ARHGEF37: variants seen among roughly 807,000 people sequenced by gnomAD.
ARHGEF37 encodes Rho guanine nucleotide exchange factor 37.
In ARHGEF37, 55 loss-of-function variants were observed where a neutral mutation model predicts 71.1. The ratio of observed to expected loss-of-function variants is 0.77; its 90% CI spans 0.62 to 0.97. ARHGEF37 has a LOEUF of 0.97. Among genes scored for constraint, ARHGEF37 ranks in the 50% least tolerant of loss-of-function variants. The pLI, the probability that ARHGEF37 is intolerant of heterozygous loss-of-function variation, is 0.00. For synonymous variants in ARHGEF37, 327 were observed against 350.6 expected (o/e 0.93, Z 0.75); for missense variants, 765 against 836.8 (o/e 0.91, Z 1.06).
chr5:149,575,557 C>A (rs1045662309), intron 1 of ARHGEF37, among the ~76,000 whole-genome samples: 1 of 152,034 alleles, frequency 6.6e-6, no homozygotes, highest in Non-Finnish European at 1.5e-5. Flanking sequence ...TGCTAGAGAG[C>A]TTCTTCAAGG....
At position 149,634,696 on chromosome 5, in the gene ARHGEF37, C is replaced by T. The variant is rs773080964; in HGVS notation, c.*2505C>T. On this transcript the variant is annotated 3_prime_UTR_variant, in exon 13 of 13. Transcript: ENST00000333677. ...TGGCACTGTGTCTTATTTATTTAAC[C>T]GTTGGGCTGTCTCATACTAAACTTG... The T allele has an allele frequency of 3.9e-5, 6 of 152,562 alleles. No homozygotes were observed. The highest frequency in any genetic ancestry group is 6.5e-5 in the Admixed American group (1 of 15,276). 9.5% of individuals were successfully genotyped at this position (152,562 alleles called of 1,614,324 possible). A position where few individuals can be genotyped will look rare whatever the true frequency, so the allele number is the denominator to read the frequency against.
chr5:149,624,011 G>A lies in ARHGEF37; in HGVS notation c.1336-1G>A. ...TGTTGACAGTGTCTGTCCCCACTTA[G>A]CTGCCCCACCACCACGTCCCAGAGC... On this transcript the variant is annotated splice_acceptor_variant, in intron 9 of 12. Coordinates refer to ENST00000333677, the MANE Select transcript of ARHGEF37 (RefSeq NM_001001669.3). LOFTEE classifies it high-confidence loss of function. 1 of 1,594,476 alleles carries A rather than the reference G, an allele frequency of 6.3e-7. No individual in the cohort carries two copies. The highest frequency in any genetic ancestry group is 8.6e-7 in the Non-Finnish European group (1 of 1,164,536).
intron 1 of ARHGEF37, among the ~76,000 whole-genome samples, chr5:149,567,220 T>C (rs1762908786): frequency 6.6e-6 from 1 of 152,236 alleles, no homozygotes; most frequent in South Asian, 2.1e-4. Flanking sequence ...TTTATTTTGT[T>C]TGTACGTGAT....
Position 149,634,526 on chromosome 5 carries a change from G to A in ARHGEF37, c.*2335G>A, listed in dbSNP as rs965238806. ...ATAAAAATGTATTCAGTAGCACGTG[G>A]GTTATGGTTTCTCATAGACCAGGGG... On this transcript the variant is annotated 3_prime_UTR_variant, in exon 13 of 13. Coordinates refer to ENST00000333677, the MANE Select transcript of ARHGEF37 (RefSeq NM_001001669.3). 1 of 152,604 alleles carries A rather than the reference G, an allele frequency of 6.6e-6. No individual in the cohort carries two copies. Among genetic ancestry groups the A allele is most frequent in the African/African-American group, 2.4e-5 (1 of 41,430 alleles). The allele number at this position is 152,604 out of a possible 1,614,324, so 9.5% of individuals were successfully genotyped here. A position where few individuals can be genotyped will look rare whatever the true frequency, so the allele number is the denominator to read the frequency against.
intron 1 of ARHGEF37, among the ~76,000 whole-genome samples, chr5:149,583,387 C>T (rs1211859898): frequency 1.3e-5 from 2 of 152,198 alleles, no homozygotes; most frequent in African/African-American, 4.8e-5. Context: ...TTGCCTACCT[C>T]GGCCTCCCAA....
intron 1 of ARHGEF37, among the ~76,000 whole-genome samples, chr5:149,558,546 G>T (rs1762783269): frequency 6.6e-6 from 1 of 151,768 alleles, no homozygotes; most frequent in African/African-American, 2.4e-5. Context: ...CTAGAGAAGG[G>T]GATCTCACCA....
intron 1 of ARHGEF37, among the ~76,000 whole-genome samples, chr5:149,590,207 A>G (rs2113284728): frequency 6.6e-6 from 1 of 152,188 alleles, no homozygotes; most frequent in Middle Eastern, 3.4e-3. Context: ...AGAGAAAAGA[A>G]TTAACTCAGT....
chr5:149,595,834 G>T (rs531962848), intron 1 of ARHGEF37, among the ~76,000 whole-genome samples: 1 of 152,172 alleles, frequency 6.6e-6, no homozygotes. Flanking sequence ...CCTAAACCCA[G>T]TGAAGGCAGG....
At chr5:149,628,288 C>T (rs1177163163) in intron 11 of ARHGEF37, among the ~76,000 whole-genome samples, 1 of 152,202 alleles carries the variant, frequency 6.6e-6, no homozygotes, top group Non-Finnish European at 1.5e-5. Context: ...GATGTGAAGA[C>T]TATGTAATGA....
chr5:149,600,672 G>A (rs1332729756), intron 2 of ARHGEF37, among the ~76,000 whole-genome samples: 2 of 147,984 alleles, frequency 1.4e-5, no homozygotes, highest in Non-Finnish European at 3.0e-5. Flanking sequence ...ATGGAGTCTC[G>A]CTCTGTCGCC....
chr5:149,585,674 C>T (rs4705356), intron 1 of ARHGEF37, among the ~76,000 whole-genome samples: 79,945 of 151,550 alleles, frequency 0.53, 21,623 homozygotes, highest in Admixed American at 0.64. Flanking sequence ...TCTGCCACCA[C>T]GCCCAGCTAA....
intron 1 of ARHGEF37, among the ~76,000 whole-genome samples, chr5:149,564,796 C>G (rs917640577): frequency 6.6e-6 from 1 of 152,182 alleles, no homozygotes; most frequent in African/African-American, 2.4e-5. Flanking sequence ...TGCACTCCAG[C>G]CTGGGCAACA....
intron 1 of ARHGEF37, among the ~76,000 whole-genome samples, chr5:149,553,385 CG>C (rs1279994080): frequency 1.3e-5 from 2 of 151,458 alleles, no homozygotes; most frequent in Non-Finnish European, 2.9e-5. Context: ...GGAGACAGAG[CG>C]AGACTCCACT....
chr5:149,596,464 C>A (rs1763548023), intron 1 of ARHGEF37, among the ~76,000 whole-genome samples: 1 of 152,072 alleles, frequency 6.6e-6, no homozygotes, highest in Non-Finnish European at 1.5e-5. Flanking sequence ...ACCACCACAC[C>A]CGGCTAATTT....
rs77584784 is a variant in ARHGEF37, at chr5:149,621,455, A to G, written c.1006-278A>G. 0.014 allele frequency among the ~76,000 whole-genome samples: 2,186 copies of G among 152,126 alleles called. 196 individuals are homozygous for G. In the East Asian group the frequency reaches 0.26, roughly 18 times the overall value. On this transcript the variant is annotated intron_variant, in intron 8 of 12. Coordinates refer to ENST00000333677, the MANE Select transcript of ARHGEF37 (RefSeq NM_001001669.3). ...CCTGTCTCAAAAAAAAAAACAAAAAACTTTTTCAAGGTCTTTGCATAATAA... is the reference window on the plus strand; with the variant it reads ...CCTGTCTCAAAAAAAAAAACAAAAAGCTTTTTCAAGGTCTTTGCATAATAA...
intron 1 of ARHGEF37, among the ~76,000 whole-genome samples, chr5:149,593,006 G>C (rs1763455313): frequency 6.6e-6 from 1 of 152,166 alleles, no homozygotes; most frequent in Non-Finnish European, 1.5e-5. Flanking sequence ...CTGACCACAG[G>C]TGATCCACCC....
chr5:149,623,093 C>T (rs546139549), intron 9 of ARHGEF37, among the ~76,000 whole-genome samples: 1 of 152,278 alleles, frequency 6.6e-6, no homozygotes, highest in Non-Finnish European at 1.5e-5. Context: ...CTTAGAATGC[C>T]CCTCTCCATT....
At chr5:149,564,784 A>G (rs779444261) in intron 1 of ARHGEF37, among the ~76,000 whole-genome samples, 6 of 152,058 alleles carry the variant, frequency 3.9e-5, no homozygotes, top group Non-Finnish European at 8.8e-5. Flanking sequence ...AGATCGCGCC[A>G]TTGCACTCCA....
At chr5:149,575,280 C>T (rs893956890) in intron 1 of ARHGEF37, among the ~76,000 whole-genome samples, 3 of 152,186 alleles carry the variant, frequency 2.0e-5, no homozygotes, top group South Asian at 4.1e-4. Flanking sequence ...TTTACAGACT[C>T]GGTAGGAAAG....
Sources: allele counts gnomAD v4.1 joint callset (sites outside exome capture counted in the v4.1 genomes callset), GRCh38; gene constraint gnomAD v4.1.1; transcripts MANE v1.5; gene names NCBI Gene and HGNC (gene_info 2026-07-23, HGNC 2026-07-21).